CAMTA1: variants seen among roughly 807,000 people sequenced by gnomAD.
CAMTA1 encodes calmodulin-binding transcription activator 1.
A neutral mutation model predicts 170.9 loss-of-function variants in CAMTA1; 27 were observed. The ratio of observed to expected loss-of-function variants is 0.16; its 90% CI spans 0.12 to 0.22. The LOEUF is 0.22. Among genes scored for constraint, CAMTA1 ranks in the 10% least tolerant of loss-of-function variants. CAMTA1 has a pLI of 1.00. For synonymous variants in CAMTA1, 833 were observed against 891.5 expected (o/e 0.93, Z 1.17); for missense variants, 1,619 against 2,217.2 (o/e 0.73, Z 5.42).
intron 5 of CAMTA1, among the ~76,000 whole-genome samples, chr1:7,419,565 ACAC>A (rs1029847634): frequency 9.9e-5 from 15 of 152,114 alleles, no homozygotes; most frequent in African/African-American, 3.1e-4. Context: ...GTGGTTCTAA[ACAC>A]CACAAGGCAC....
intron 3 of CAMTA1, among the ~76,000 whole-genome samples, chr1:6,844,405 G>A (rs1657110415): frequency 6.6e-6 from 1 of 151,752 alleles, no homozygotes; most frequent in African/African-American, 2.4e-5. Flanking sequence ...GGGCACAGTG[G>A]CTCGCGCCAG....
At position 7,146,448 on chromosome 1, in the gene CAMTA1, G is replaced by A. The variant is rs1449829886; in HGVS notation, c.302+55077G>A. Among the ~76,000 whole-genome samples, 2 of 152,192 alleles carry A rather than the reference G, an allele frequency of 1.3e-5. No homozygotes were observed. Among genetic ancestry groups the A allele is most frequent in the Non-Finnish European group, 2.9e-5 (2 of 68,030 alleles). On this transcript the variant is annotated intron_variant, in intron 4 of 22. Transcript: ENST00000303635. This position sits in a 1 kb window ranked among gnomAD's most constrained non-coding sequence, Gnocchi z 4.3. ...AATGCTTCCCATCAAGAGTCCTGTCGGGGAAAGTCTGGGAATATCTGTTTC... is the reference window on the plus strand; with the variant it reads ...AATGCTTCCCATCAAGAGTCCTGTCAGGGAAAGTCTGGGAATATCTGTTTC...
chr1:7,159,428 A>C (rs1647073914), intron 4 of CAMTA1, among the ~76,000 whole-genome samples: 1 of 152,026 alleles, frequency 6.6e-6, no homozygotes, highest in Non-Finnish European at 1.5e-5. Context: ...ACAGGAAATC[A>C]GACTGTCCTC....
intron 7 of CAMTA1, among the ~76,000 whole-genome samples, chr1:7,655,086 A>C (rs2095878565): frequency 2.4e-5 from 2 of 84,452 alleles, no homozygotes; most frequent in Admixed American, 1.3e-4. Flanking sequence ...ACACACACCC[A>C]CCTATACACA....
intron 3 of CAMTA1, among the ~76,000 whole-genome samples, chr1:6,930,538 G>C (rs1441981197): frequency 6.6e-6 from 1 of 152,172 alleles, no homozygotes; most frequent in African/African-American, 2.4e-5. Context: ...GGGTTTGCGC[G>C]CATGTGAGGA....
intron 1 of CAMTA1, 62 bp from the exon 2 acceptor site, chr1:6,820,119 A>G: frequency 9.9e-7 from 1 of 1,005,598 alleles, no homozygotes; most frequent in Non-Finnish European, 1.6e-6. Context: ...GGAATATCAC[A>G]GAAGAGCCAG....
At chr1:6,966,847 G>A in intron 3 of CAMTA1, among the ~76,000 whole-genome samples, 1 of 151,520 alleles carries the variant, frequency 6.6e-6, no homozygotes, top group Non-Finnish European at 1.5e-5. Context: ...CCTAAGCTCA[G>A]GCAATCCATC....
Position 7,293,172 on chromosome 1 carries a change from T to C in CAMTA1, c.438+43546T>C, listed in dbSNP as rs970346336. 3.3e-5 allele frequency among the ~76,000 whole-genome samples: 5 copies of C among 152,106 alleles called. No homozygotes were observed. The highest frequency in any genetic ancestry group is 1.2e-4 in the African/African-American group (5 of 41,424). On this transcript the variant is annotated intron_variant, in intron 5 of 22. Coordinates refer to ENST00000303635, the MANE Select transcript of CAMTA1 (RefSeq NM_015215.4). The surrounding 1 kb of genome is among the most constrained non-coding windows in gnomAD (Gnocchi z 4.1). ...CAGGGACGGGGTGGGGCTGCCTTCC[T>C]GGGAAGGGATTGCGCTGCAGAAGCT...
rs1025375693 is a variant in CAMTA1, at chr1:7,556,544, C to T, written c.511-83856C>T. 8.5e-5 allele frequency among the ~76,000 whole-genome samples: 13 copies of T among 152,202 alleles called. No homozygotes were observed. The South Asian group carries it at 1.0e-3, about 12-fold the overall frequency. On this transcript the variant is annotated intron_variant, in intron 6 of 22. Coordinates refer to ENST00000303635, the MANE Select transcript of CAMTA1 (RefSeq NM_015215.4). ...CATGTGGTCATTACAGCCATGCACACGCACATCACCTCGCCAATTCAACAC... is the reference window on the plus strand; with the variant it reads ...CATGTGGTCATTACAGCCATGCACATGCACATCACCTCGCCAATTCAACAC...
At chr1:7,294,295 A>G (rs969719289) in intron 5 of CAMTA1, among the ~76,000 whole-genome samples, 3 of 152,126 alleles carry the variant, frequency 2.0e-5, no homozygotes, top group Non-Finnish European at 4.4e-5. Context: ...CTGGGGGGCT[A>G]TGGATGGTGA....
At chr1:7,324,146 A>G (rs1678910764) in intron 5 of CAMTA1, among the ~76,000 whole-genome samples, 2 of 152,148 alleles carry the variant, frequency 1.3e-5, no homozygotes, top group South Asian at 2.1e-4. Context: ...CTTCTGCTCT[A>G]TGTTGCTTTA....
chr1:7,032,508 C>T lies in CAMTA1; in HGVS notation c.235-58796C>T, dbSNP rs951452987. 2.2e-4 allele frequency among the ~76,000 whole-genome samples: 33 copies of T among 151,786 alleles called. 1 individual carries two copies. On this transcript the variant is annotated intron_variant, in intron 3 of 22. Coordinates refer to ENST00000303635, the MANE Select transcript of CAMTA1 (RefSeq NM_015215.4). ...CTTCCTCCCCATCTTTTTTTAAATT[C>T]TTCTCATACCTTTTACTTATAGATT...
intron 3 of CAMTA1, chr1:6,886,365 C>T (rs1255120214): frequency 2.3e-6 from 1 of 436,308 alleles, no homozygotes; most frequent in Admixed American, 2.6e-5. Context: ...CATTTGATTG[C>T]CTTGAAATCT....
chr1:7,551,216 A>C (rs924341428), intron 6 of CAMTA1, among the ~76,000 whole-genome samples: 1 of 152,062 alleles, frequency 6.6e-6, no homozygotes, highest in African/African-American at 2.4e-5. Flanking sequence ...GGAAGGGAGG[A>C]GGGTGCTTAT....
rs1048677645 is a variant in CAMTA1 at position 7,736,021 on chromosome 1, C to T, written c.3067-323C>T. Among the ~76,000 whole-genome samples the T allele has an allele frequency of 1.3e-5, 2 of 151,922 alleles. No individual in the cohort carries two copies. Among genetic ancestry groups the T allele is most frequent in the African/African-American group, 2.4e-5 (1 of 41,358 alleles). ...AACTCCTGACCACAAGAGATCTGCC[C>T]GCCTCAGCCTCCCAAAGTGCTGGGA... On this transcript the variant is annotated intron_variant, in intron 12 of 22. Transcript: ENST00000303635. This position sits in a 1 kb window ranked among gnomAD's most constrained non-coding sequence, Gnocchi z 4.5.
In CAMTA1 at chr1:6,899,552, G is replaced by GCACACA. The variant is rs916090781; in HGVS notation, c.234+74343_234+74344insACACAC. On this transcript the variant is annotated intron_variant, in intron 3 of 22. Coordinates refer to ENST00000303635, the MANE Select transcript of CAMTA1 (RefSeq NM_015215.4). ...ATATGTGTATAACGCGCACGCGCGCGCGCACACACACACACACACACACAC... is the reference window on the plus strand; with the variant it reads ...ATATGTGTATAACGCGCACGCGCGCGCACACACGCACACACACACACACACACACAC... Among the ~76,000 whole-genome samples, 241 of 104,766 alleles carry GCACACA rather than the reference G, an allele frequency of 2.3e-3. 2 individuals are homozygous for GCACACA. The highest frequency in any genetic ancestry group is 3.0e-3 in the African/African-American group (81 of 26,724). The allele number at this position is 104,766 out of a possible 152,430, so 68.7% of individuals were successfully genotyped here.
Position 7,746,369 on chromosome 1 carries a change from A to G in CAMTA1, c.4617+278A>G, listed in dbSNP as rs529668121. On this transcript the variant is annotated intron_variant, in intron 18 of 22. Coordinates refer to ENST00000303635, the MANE Select transcript of CAMTA1 (RefSeq NM_015215.4). ...GTGTGGGGGCATTAAGTATATTCAC[A>G]GTGCTGTGCAACTGTCACTGCTACC... Among the ~76,000 whole-genome samples, 17 of 152,338 alleles carry G rather than the reference A, an allele frequency of 1.1e-4. 1 individual carries two copies. In the South Asian group the frequency reaches 3.1e-3, roughly 28 times the overall value.
rs186349715 is a variant in CAMTA1 at position 7,534,407 on chromosome 1, G to T, written c.510+66506G>T. On this transcript the variant is annotated intron_variant, in intron 6 of 22. Coordinates refer to ENST00000303635, the MANE Select transcript of CAMTA1 (RefSeq NM_015215.4). This position sits in a 1 kb window ranked among gnomAD's most constrained non-coding sequence, Gnocchi z 5.6. ...CACGGGGAGAGCTTGCTGCAGACCCGGGGAGGAGAAGCCACTGTGGATGGA... is the reference window on the plus strand; with the variant it reads ...CACGGGGAGAGCTTGCTGCAGACCCTGGGAGGAGAAGCCACTGTGGATGGA... Among the ~76,000 whole-genome samples the T allele has an allele frequency of 2.0e-5, 3 of 152,168 alleles. No homozygotes were observed. Among genetic ancestry groups the T allele is most frequent in the African/African-American group, 2.4e-5 (1 of 41,438 alleles).
chr1:7,560,389 A>G (rs2094940465), intron 6 of CAMTA1, among the ~76,000 whole-genome samples: 1 of 152,236 alleles, frequency 6.6e-6, no homozygotes, highest in Non-Finnish European at 1.5e-5. Flanking sequence ...AGCAGAGTCT[A>G]ACAGGTCTCT....
Sources: allele counts gnomAD v4.1 joint callset (sites outside exome capture counted in the v4.1 genomes callset), GRCh38; gene constraint gnomAD v4.1.1; non-coding constraint Gnocchi (gnomAD v3.1); transcripts MANE v1.5; gene names NCBI Gene and HGNC (gene_info 2026-07-23, HGNC 2026-07-21).